Variants in MARCHF7 observed in about 807,000 individuals in gnomAD.
MARCHF7 encodes membrane associated ring-CH-type finger 7.
In MARCHF7, 20 loss-of-function variants were observed where a neutral mutation model predicts 76.5. The ratio of observed to expected loss-of-function variants is 0.26; its 90% CI spans 0.18 to 0.38. MARCHF7 has a LOEUF of 0.38. MARCHF7 is among the 10% of genes least tolerant of loss of function. The pLI is 1.00. For missense variants in MARCHF7, 797 were observed against 812.9 expected, an observed-to-expected ratio of 0.98 and a Z score of 0.24; for synonymous variants, 295 against 293.0, an observed-to-expected ratio of 1.01 and a Z score of -0.07.
chr2:159,729,491 C>T lies in MARCHF7; in HGVS notation c.153+316C>T, dbSNP rs147755028. 5.7e-3 allele frequency among the ~76,000 whole-genome samples: 870 copies of T among 151,882 alleles called. 8 individuals are homozygous for T. Among genetic ancestry groups the T allele is most frequent in the African/African-American group, 0.02 (825 of 41,446 alleles). ...TTCGAGACCAGCCTGGCCAACATGA[C>T]GAAACCCCGTCTCGACTAAAAATAC... is the stretch of plus-strand genomic sequence containing the variant. On this transcript the variant is annotated intron_variant, in intron 4 of 11. Transcript: ENST00000409175.
At chr2:159,742,967 A>G (rs1353866455) in intron 4 of MARCHF7, 94 bp from the exon 5 acceptor site, 4 of 1,157,468 alleles carry the variant, frequency 3.5e-6, no homozygotes, top group Non-Finnish European at 4.9e-6. Flanking sequence ...TGGTAGAAAA[A>G]TTGATGCTTG....
rs1707927896 is a variant in MARCHF7 at position 159,767,352 on chromosome 2, A to G, written c.*10A>G. 1.9e-6 allele frequency: 3 copies of G among 1,594,482 alleles called. No individual in the cohort carries two copies. In the Admixed American group the frequency reaches 5.0e-5, roughly 27 times the overall value. ...ATTTGATATTGCCTAACTTCATATAAGACAGATGGATGATCTGTGAACATA... is the reference window on the plus strand; with the variant it reads ...ATTTGATATTGCCTAACTTCATATAGGACAGATGGATGATCTGTGAACATA... On this transcript the variant is annotated 3_prime_UTR_variant, in exon 12 of 12. Transcript: ENST00000409175.
At chr2:159,719,647 A>AT (rs1229338403) in intron 3 of MARCHF7, among the ~76,000 whole-genome samples, 1 of 151,632 alleles carries the variant, frequency 6.6e-6, no homozygotes, top group Non-Finnish European at 1.5e-5. Context: ...CAGTTTTTCA[A>AT]TTTTACCTAG....
At chr2:159,737,985 T>G (rs1315550170) in intron 4 of MARCHF7, among the ~76,000 whole-genome samples, 1 of 152,208 alleles carries the variant, frequency 6.6e-6, no homozygotes, top group Non-Finnish European at 1.5e-5. Context: ...TTCTGCCTAC[T>G]CGGACTGGCA....
chr2:159,719,948 C>T (rs1701448347), intron 3 of MARCHF7, among the ~76,000 whole-genome samples: 1 of 152,076 alleles, frequency 6.6e-6, no homozygotes, highest in South Asian at 2.1e-4. Flanking sequence ...GCTTTATTTA[C>T]CTTCAGAGTA....
intron 2 of MARCHF7, among the ~76,000 whole-genome samples, chr2:159,715,077 A>G (rs1168867578): frequency 6.6e-6 from 1 of 152,256 alleles, no homozygotes; most frequent in Non-Finnish European, 1.5e-5. Context: ...ATGGGACATG[A>G]ATGAATGAAA....
At chr2:159,738,086 G>A (rs1703680809) in intron 4 of MARCHF7, among the ~76,000 whole-genome samples, 1 of 152,228 alleles carries the variant, frequency 6.6e-6, no homozygotes, top group Non-Finnish European at 1.5e-5. Flanking sequence ...GGGCAAGTGA[G>A]CGCAGGGTCC....
Position 159,770,622 on chromosome 2 carries a change from TG to T in MARCHF7, c.*3282del, listed in dbSNP as rs1708114431. 3 of 152,196 alleles carry T rather than the reference TG, an allele frequency of 2.0e-5. No homozygotes were observed. Among genetic ancestry groups the T allele is most frequent in the Admixed American group, 2.0e-4 (3 of 15,284 alleles). 9.4% of individuals were successfully genotyped at this position (152,196 alleles called of 1,614,324 possible). A position where few individuals can be genotyped will look rare whatever the true frequency, so the allele number is the denominator to read the frequency against. On this transcript the variant is annotated 3_prime_UTR_variant, in exon 12 of 12. Coordinates refer to ENST00000409175, the MANE Select transcript of MARCHF7 (RefSeq NM_001282805.2). Reference sequence around the variant, plus strand: ...CTAGACAGTATACTTCAGTCAGTAATGGACCACATATAGAACAGTGTTTCCT... The same window carrying T: ...CTAGACAGTATACTTCAGTCAGTAATGACCACATATAGAACAGTGTTTCCT...
chr2:159,751,120 C>G (rs1560019690), intron 7 of MARCHF7, among the ~76,000 whole-genome samples: 1 of 152,170 alleles, frequency 6.6e-6, no homozygotes, highest in Non-Finnish European at 1.5e-5. Flanking sequence ...CCTCCAATTG[C>G]AGGCTGTCTG....
At position 159,720,825 on chromosome 2, in the gene MARCHF7, A is replaced by C. The variant is rs1480418345; in HGVS notation, c.-15+5059A>C. Among the ~76,000 whole-genome samples the C allele has an allele frequency of 2.6e-5, 4 of 152,336 alleles. No homozygotes were observed. The East Asian group carries it at 7.7e-4, about 29-fold the overall frequency. ...ACATTAACCTGGGCTGCAAATCTGCACAAGAGCTGGTTTACTTCTATTAAT... is the reference window on the plus strand; with the variant it reads ...ACATTAACCTGGGCTGCAAATCTGCCCAAGAGCTGGTTTACTTCTATTAAT... On this transcript the variant is annotated intron_variant, in intron 3 of 11. Transcript: ENST00000409175.
Position 159,767,396 on chromosome 2 carries a change from C to A in MARCHF7, c.*54C>A. On this transcript the variant is annotated 3_prime_UTR_variant, in exon 12 of 12. Coordinates refer to ENST00000409175, the MANE Select transcript of MARCHF7 (RefSeq NM_001282805.2). ...GAACATAAGTGTTTATTAAAAATGG[C>A]AATTAAATATAAATTACTTTTGTGG... is the stretch of plus-strand genomic sequence containing the variant. 1 of 1,343,852 alleles carries A rather than the reference C, an allele frequency of 7.4e-7. No homozygotes were observed. Among genetic ancestry groups the A allele is most frequent in the Non-Finnish European group, 1.1e-6 (1 of 948,668 alleles). The allele number at this position is 1,343,852 out of a possible 1,614,324, so 83.2% of individuals were successfully genotyped here.
At chr2:159,764,321 T>G (rs1252435438) in intron 10 of MARCHF7, among the ~76,000 whole-genome samples, 1 of 151,906 alleles carries the variant, frequency 6.6e-6, no homozygotes. Flanking sequence ...GTTTTTTGTT[T>G]TTTTTCCTCC....
At chr2:159,759,123 TC>T (rs1419372886) in intron 8 of MARCHF7, 102 bp from the exon 9 acceptor site, 12 of 667,572 alleles carry the variant, frequency 1.8e-5, no homozygotes, top group Non-Finnish European at 2.6e-5. Context: ...TCTTCTTCTT[TC>T]CTTTAAGGTT....
chr2:159,725,239 A>G (rs1702033813), intron 3 of MARCHF7, among the ~76,000 whole-genome samples: 1 of 152,180 alleles, frequency 6.6e-6, no homozygotes, highest in Non-Finnish European at 1.5e-5. Flanking sequence ...CTAGTTCTAG[A>G]TCCTTGAGGA....
At chr2:159,721,390 A>G (rs897796079) in intron 3 of MARCHF7, among the ~76,000 whole-genome samples, 7 of 152,134 alleles carry the variant, frequency 4.6e-5, no homozygotes, top group African/African-American at 1.7e-4. Flanking sequence ...TAAATTGTTG[A>G]ATTGGTATGA....
chr2:159,734,308 T>G (rs1324373618), intron 4 of MARCHF7, among the ~76,000 whole-genome samples: 1 of 145,536 alleles, frequency 6.9e-6, no homozygotes, highest in Non-Finnish European at 1.5e-5. Flanking sequence ...AGGGGCTTTT[T>G]AAAGTTATTG....
intron 4 of MARCHF7, among the ~76,000 whole-genome samples, chr2:159,739,365 T>C (rs369869006): frequency 4.3e-4 from 66 of 152,262 alleles, no homozygotes; most frequent in African/African-American, 1.4e-3. Context: ...GTTGGAAAAA[T>C]AGTAATTCCC....
At position 159,769,252 on chromosome 2, in the gene MARCHF7, A is replaced by G. The variant is rs1483628271; in HGVS notation, c.*1910A>G. Reference sequence around the variant, plus strand: ...CAAGATGTTGAAGAAAGCAGTTTCTACATTCTGGATGTAGTAAACAAGCCT... The same window carrying G: ...CAAGATGTTGAAGAAAGCAGTTTCTGCATTCTGGATGTAGTAAACAAGCCT... On this transcript the variant is annotated 3_prime_UTR_variant, in exon 12 of 12. Coordinates refer to ENST00000409175, the MANE Select transcript of MARCHF7 (RefSeq NM_001282805.2). The G allele has an allele frequency of 6.6e-6, 1 of 152,248 alleles. No individual in the cohort carries two copies. The highest frequency in any genetic ancestry group is 2.4e-5 in the African/African-American group (1 of 41,460). 9.4% of individuals were successfully genotyped at this position (152,248 alleles called of 1,614,324 possible). A position where few individuals can be genotyped will look rare whatever the true frequency, so the allele number is the denominator to read the frequency against.
chr2:159,745,510 C>T (rs1704745349), intron 5 of MARCHF7, among the ~76,000 whole-genome samples: 1 of 152,122 alleles, frequency 6.6e-6, no homozygotes, highest in Non-Finnish European at 1.5e-5. Flanking sequence ...CAAAAATTAG[C>T]CGGGCATGGT....
Sources: gnomAD v4.1 joint callset for allele counts (sites outside exome capture counted in the v4.1 genomes callset) on GRCh38, gnomAD v4.1.1 for gene constraint, MANE v1.5 for transcripts, NCBI Gene and HGNC (gene_info 2026-07-23, HGNC 2026-07-21) for gene names.